TOGARAM2: variants seen among roughly 807,000 people sequenced by gnomAD.
The protein encoded by TOGARAM2 is TOG array regulator of axonemal microtubules protein 2.
TOGARAM2 carries 85 observed loss-of-function variants against 93.3 expected under a neutral mutation model. The ratio of observed to expected loss-of-function variants is 0.91; its 90% CI spans 0.76 to 1.09. TOGARAM2 has a LOEUF of 1.09. Among genes scored for constraint, TOGARAM2 ranks in the 50% least tolerant of loss-of-function variants. The probability of loss-of-function intolerance (pLI) is 0.00; values close to 1 mark genes in which losing one functional copy is unlikely to be tolerated. For missense variants in TOGARAM2, 1,277 were observed against 1,334.5 expected, an observed-to-expected ratio of 0.96 and a Z score of 0.67; for synonymous variants, 593 against 552.8, an observed-to-expected ratio of 1.07 and a Z score of -1.02.
chr2:28,998,021 T>A (rs939871926), intron 2 of TOGARAM2, 122 bp from the exon 3 acceptor site: 18 of 610,924 alleles, frequency 2.9e-5, no homozygotes, highest in Non-Finnish European at 4.1e-5. Flanking sequence ...CATGCCTTGG[T>A]TTTTTGGGCA....
chr2:29,024,562 A>G (rs1665212964), intron 13 of TOGARAM2, among the ~76,000 whole-genome samples, 188 bp downstream of exon 13: 1 of 152,096 alleles, frequency 6.6e-6, no homozygotes, highest in Non-Finnish European at 1.5e-5. Flanking sequence ...CTGAGTGAAG[A>G]AGGGGCCCAT....
At chr2:29,013,047 C>T (rs1305968152) in intron 7 of TOGARAM2, among the ~76,000 whole-genome samples, 2 of 152,198 alleles carry the variant, frequency 1.3e-5, no homozygotes, top group African/African-American at 2.4e-5. Flanking sequence ...ATGCCTTTTC[C>T]AGCCTCAGGC....
At chr2:28,983,787 T>C (rs925104446) in intron 1 of TOGARAM2, among the ~76,000 whole-genome samples, 1 of 152,190 alleles carries the variant, frequency 6.6e-6, no homozygotes, top group Non-Finnish European at 1.5e-5. Context: ...CTGTCATGAG[T>C]GCTCCCATTG....
intron 10 of TOGARAM2, 38 bp from the exon 11 acceptor site, chr2:29,022,120 G>T: frequency 6.2e-7 from 1 of 1,613,268 alleles, no homozygotes; most frequent in East Asian, 2.2e-5. Context: ...TGCCTGTCCT[G>T]CTGCGTGAAG....
chr2:28,967,391 C>T (rs1671882156), intron 1 of TOGARAM2, among the ~76,000 whole-genome samples: 1 of 152,106 alleles, frequency 6.6e-6, no homozygotes, highest in Non-Finnish European at 1.5e-5. Context: ...GGGAGGATCC[C>T]TTGAGCCCAG....
intron 1 of TOGARAM2, among the ~76,000 whole-genome samples, chr2:28,975,784 C>G (rs113906663): frequency 3.9e-5 from 6 of 152,088 alleles, no homozygotes; most frequent in Admixed American, 2.0e-4. Flanking sequence ...GTCTAGCACA[C>G]AGATCTAGGT....
At chr2:29,031,138 T>C (rs776296098) in intron 14 of TOGARAM2, among the ~76,000 whole-genome samples, 1 of 152,242 alleles carries the variant, frequency 6.6e-6, no homozygotes, top group Non-Finnish European at 1.5e-5. Context: ...TCAGTTGGGC[T>C]AGGCAGTGAT....
chr2:29,050,639 G>C (rs1290507369), intron 19 of TOGARAM2: 3 of 152,180 alleles, frequency 2.0e-5, no homozygotes, highest in African/African-American at 7.2e-5. Flanking sequence ...TATGGAAACT[G>C]TTTTCCACAG....
chr2:29,026,654 C>T (rs562360290), intron 13 of TOGARAM2, among the ~76,000 whole-genome samples, 199 bp from the exon 14 acceptor site: 4 of 152,326 alleles, frequency 2.6e-5, no homozygotes, highest in Admixed American at 1.3e-4. Flanking sequence ...TTCCCTCTCC[C>T]GTTGTTGCTG....
intron 1 of TOGARAM2, among the ~76,000 whole-genome samples, chr2:28,962,893 G>A (rs1486746755): frequency 6.6e-6 from 1 of 150,718 alleles, no homozygotes; most frequent in Non-Finnish European, 1.5e-5. Context: ...TGCCCAGACA[G>A]CTCTCTGAAG....
chr2:29,013,602 T>G (rs1664381669), intron 7 of TOGARAM2, among the ~76,000 whole-genome samples: 1 of 152,162 alleles, frequency 6.6e-6, no homozygotes, highest in Non-Finnish European at 1.5e-5. Context: ...GTCTGATGTT[T>G]AAGGGCAGGA....
At chr2:28,994,539 AC>A (rs1672897946) in intron 1 of TOGARAM2, among the ~76,000 whole-genome samples, 185 bp from the exon 2 acceptor site, 1 of 152,158 alleles carries the variant, frequency 6.6e-6, no homozygotes, top group Non-Finnish European at 1.5e-5. Flanking sequence ...TCTTCCCAAA[AC>A]CACACGGCCT....
At chr2:29,041,917 A>G (rs545359616) in intron 18 of TOGARAM2, among the ~76,000 whole-genome samples, 2 of 152,360 alleles carry the variant, frequency 1.3e-5, no homozygotes, top group South Asian at 4.1e-4. Flanking sequence ...ATACTTGCAT[A>G]GTAATTATAT....
At chr2:28,996,068 G>C (rs1672975624) in intron 2 of TOGARAM2, among the ~76,000 whole-genome samples, 1 of 152,228 alleles carries the variant, frequency 6.6e-6, no homozygotes. Context: ...GGCTGTGCCT[G>C]GGGCTGTGGG....
upstream of TOGARAM2, chr2:28,981,273 C>T (rs573149244): frequency 2.0e-5 from 3 of 152,408 alleles, no homozygotes; most frequent in East Asian, 5.8e-4. Flanking sequence ...TGGGCTCCTT[C>T]AGCGAGTGGT....
chr2:28,968,841 C>CAAAAAAAAAAAAA (rs34489407), intron 1 of TOGARAM2, among the ~76,000 whole-genome samples: 1 of 64,920 alleles, frequency 1.5e-5, no homozygotes, highest in African/African-American at 4.6e-5. Context: ...AAAAAAAAAA[C>CAAAAAAAAAAAAA]AAGGAAAAAG....
upstream of TOGARAM2, among the ~76,000 whole-genome samples, chr2:28,976,705 G>C (rs545922462): frequency 3.3e-5 from 5 of 152,230 alleles, no homozygotes; most frequent in Non-Finnish European, 7.3e-5. Flanking sequence ...CATCATCTGC[G>C]ATAAGAGGGG....
At chr2:28,960,710 T>A (rs1671793541) in intron 1 of TOGARAM2, among the ~76,000 whole-genome samples, 1 of 152,228 alleles carries the variant, frequency 6.6e-6, no homozygotes, top group Non-Finnish European at 1.5e-5. Flanking sequence ...AAGTTGTACC[T>A]CGGAACTACC....
chr2:28,974,320 G>T (rs1377233501), intron 1 of TOGARAM2, among the ~76,000 whole-genome samples: 2 of 151,824 alleles, frequency 1.3e-5, no homozygotes, highest in Non-Finnish European at 2.9e-5. Flanking sequence ...TAGAAACAGG[G>T]TTTCACCATG....
Sources: gnomAD v4.1 joint callset for allele counts (sites outside exome capture counted in the v4.1 genomes callset) on GRCh38, gnomAD v4.1.1 for gene constraint, MANE v1.5 for transcripts, NCBI Gene and HGNC (gene_info 2026-07-23, HGNC 2026-07-21) for gene names.